ZNF320: variants seen among roughly 807,000 people sequenced by gnomAD.
ZNF320 encodes zinc finger protein 320.
A neutral mutation model predicts 6.8 loss-of-function variants in ZNF320; 2 were observed. The ratio of observed to expected loss-of-function variants is 0.29; its 90% CI spans 0.12 to 0.93. The LOEUF (loss-of-function observed/expected upper bound fraction) is 0.93, where lower values mean the gene tolerates loss of function less well. Among genes scored for constraint, ZNF320 ranks in the 40% least tolerant of loss-of-function variants. The probability of loss-of-function intolerance (pLI) is 0.55; values close to 1 mark genes in which losing one functional copy is unlikely to be tolerated. For synonymous variants in ZNF320, 208 were observed against 203.2 expected (o/e 1.02, Z -0.20); for missense variants, 472 against 611.0 (o/e 0.77, Z 2.40).
At chr19:52,887,985 T>C in intron 5 of ZNF320, 142 bp downstream of exon 5, 1 of 1,411,946 alleles carries the variant, frequency 7.1e-7, no homozygotes, top group South Asian at 1.4e-5. Context: ...AAAGTCCAGA[T>C]GCTACATCAT....
At chr19:52,882,542 G>C (rs2063954113) in intron 5 of ZNF320, among the ~76,000 whole-genome samples, 1 of 152,164 alleles carries the variant, frequency 6.6e-6, no homozygotes, top group African/African-American at 2.4e-5. Context: ...AGCTACTCAG[G>C]AGGCTTAGGC....
At chr19:52,887,277 T>C in intron 5 of ZNF320, among the ~76,000 whole-genome samples, 1 of 152,072 alleles carries the variant, frequency 6.6e-6, no homozygotes, top group East Asian at 1.9e-4. Flanking sequence ...CTCTCCACAG[T>C]CCAGGGCTCT....
rs1471088105 is a variant in ZNF320 at position 52,876,544 on chromosome 19, C to G, written c.*4052G>C. ...GAGATGGAGTCTCGCTCTTGCCCAG[C>G]CAGAGTGCAGTTGCAGGATCTCAGC... On this transcript the variant is annotated 3_prime_UTR_variant, in exon 6 of 6. Transcript: ENST00000682928. The G allele has an allele frequency of 6.6e-6, 1 of 152,134 alleles. No homozygotes were observed. Among genetic ancestry groups the G allele is most frequent in the Non-Finnish European group, 1.5e-5 (1 of 68,026 alleles). 9.4% of individuals were successfully genotyped at this position (152,134 alleles called of 1,614,324 possible). A position where few individuals can be genotyped will look rare whatever the true frequency, so the allele number is the denominator to read the frequency against.
At chr19:52,875,463 C>T (rs1333163894), downstream of ZNF320, among the ~76,000 whole-genome samples, 5 of 152,130 alleles carry the variant, frequency 3.3e-5, no homozygotes, top group Non-Finnish European at 7.3e-5. Context: ...AGTCTAATCC[C>T]GTTTTTCCAT....
chr19:52,880,798 C>A lies in ZNF320; in HGVS notation c.1328G>T (p.Cys443Phe). 6.2e-7 allele frequency: 1 copy of A among 1,613,970 alleles called. No individual in the cohort carries two copies. Among genetic ancestry groups the A allele is most frequent in the Non-Finnish European group, 8.5e-7 (1 of 1,179,856 alleles). Residue 443 changes from cysteine (C) to phenylalanine (F), a missense_variant, in exon 6 of 6, where the codon TGT (cysteine) becomes TTT (phenylalanine). Physicochemically the swap from Cys to Phe is radical, Grantham distance 205. This residue lies in a region of ZNF320 where 462 missense variants were observed against 559.7 expected (regional missense o/e 0.83). Coordinates refer to ENST00000682928, the MANE Select transcript of ZNF320 (RefSeq NM_001351774.2). ...ATTAAAGGCTTTACCACAATCACCA[C>A]ACTTGTGAGGTTTCTCTCCTGTATG... Reference protein sequence around the residue: ...RIHTGEKPHKCGDCGKAFNSP... With the variant: ...RIHTGEKPHKFGDCGKAFNSP...
At chr19:52,874,533 G>A (rs768527249), downstream of ZNF320, among the ~76,000 whole-genome samples, 6 of 152,186 alleles carry the variant, frequency 3.9e-5, no homozygotes, top group Non-Finnish European at 7.3e-5. Context: ...CATAAAAGAT[G>A]TATTTGCAAA....
At chr19:52,873,983 T>G (rs1444912629), downstream of ZNF320, 2 of 451,312 alleles carry the variant, frequency 4.4e-6, no homozygotes, top group Non-Finnish European at 8.8e-6. Flanking sequence ...ATGAGAAATA[T>G]CACTTCACCT....
exon 6 of ZNF320, chr19:52,862,156 A>G: frequency 4.8e-6 from 2 of 419,142 alleles, no homozygotes; most frequent in Non-Finnish European, 9.8e-6. Context: ...TACCAAAGGC[A>G]TTGTGACAAT....
chr19:52,875,719 G>A (rs1370275883), downstream of ZNF320, among the ~76,000 whole-genome samples: 1 of 151,804 alleles, frequency 6.6e-6, no homozygotes, highest in Non-Finnish European at 1.5e-5. Flanking sequence ...GGCAGAGGTT[G>A]CAGTGAGTCA....
chr19:52,865,475 T>TATATATATATATATGTATAC (rs2063531530), intron 5 of ZNF320: 1 of 40,334 alleles, frequency 2.5e-5, no homozygotes, highest in African/African-American at 1.1e-4. Flanking sequence ...ATATATTACA[T>TATATATATATATATGTATAC]ATATATATAA....
intron 5 of ZNF320, among the ~76,000 whole-genome samples, chr19:52,865,638 C>G (rs1393779740): frequency 7.9e-6 from 1 of 126,964 alleles, no homozygotes; most frequent in Non-Finnish European, 1.6e-5. Flanking sequence ...TATGATTATA[C>G]ATATATATTT....
upstream of ZNF320, among the ~76,000 whole-genome samples, chr19:52,899,922 C>T (rs900404188): frequency 1.3e-5 from 2 of 152,150 alleles, no homozygotes; most frequent in African/African-American, 2.4e-5. Context: ...GTCTAAGTGG[C>T]AGGCTTACAG....
At chr19:52,871,571 CT>C (rs1294637695), downstream of ZNF320, among the ~76,000 whole-genome samples, 35 of 152,136 alleles carry the variant, frequency 2.3e-4, no homozygotes, top group Admixed American at 2.2e-3. Flanking sequence ...AAAGAAACTT[CT>C]TTCGAGGTCT....
downstream of ZNF320, among the ~76,000 whole-genome samples, chr19:52,875,931 T>C (rs2063757829): frequency 6.6e-6 from 1 of 152,170 alleles, no homozygotes; most frequent in Non-Finnish European, 1.5e-5. Flanking sequence ...ATAAACACAA[T>C]TATGAATCCC....
chr19:52,874,889 G>T (rs1212676480), downstream of ZNF320, among the ~76,000 whole-genome samples: 1 of 152,170 alleles, frequency 6.6e-6, no homozygotes, highest in Admixed American at 6.5e-5. Flanking sequence ...AAGGCCCTGA[G>T]ATAGGAGCAA....
At chr19:52,893,628 A>T (rs1176602818) in intron 2 of ZNF320, 151 bp downstream of exon 2, 1 of 152,190 alleles carries the variant, frequency 6.6e-6, no homozygotes, top group Non-Finnish European at 1.5e-5. Context: ...GCCTGTCGAC[A>T]AAGTGAGACT....
At chr19:52,874,642 C>T (rs1252772995), downstream of ZNF320, among the ~76,000 whole-genome samples, 1 of 152,146 alleles carries the variant, frequency 6.6e-6, no homozygotes, top group Non-Finnish European at 1.5e-5. Context: ...CACTTGGGGA[C>T]TTTTTCCCAC....
chr19:52,897,003 G>C (rs1446724756), intron 1 of ZNF320, among the ~76,000 whole-genome samples: 1 of 152,184 alleles, frequency 6.6e-6, no homozygotes, highest in Admixed American at 6.5e-5. Flanking sequence ...CGTTGGCCAA[G>C]GGCCAAAAAT....
chr19:52,889,119 G>A (rs1429159723), intron 4 of ZNF320, among the ~76,000 whole-genome samples: 2 of 151,720 alleles, frequency 1.3e-5, no homozygotes, highest in Non-Finnish European at 2.9e-5. Flanking sequence ...GGGCGGCGGA[G>A]TTTGCAGTGA....
Sources: allele counts gnomAD v4.1 joint callset (sites outside exome capture counted in the v4.1 genomes callset), GRCh38; gene constraint gnomAD v4.1.1; regional missense constraint gnomAD v4.1.1; transcripts MANE v1.5; gene names NCBI Gene and HGNC (gene_info 2026-07-23, HGNC 2026-07-21).